CEP295: variants seen among roughly 807,000 people sequenced by gnomAD.
CEP295 encodes the protein centrosomal protein 295, also known as centrosomal protein of 295 kDa.
In CEP295, 190 loss-of-function variants were observed where a neutral mutation model predicts 291.6. That is an observed-to-expected ratio of 0.65 (90% confidence interval 0.58 to 0.73). The LOEUF is 0.73. Ranked by LOEUF, CEP295 falls within the 30% of genes least tolerant of loss-of-function variation. The pLI, the probability that CEP295 is intolerant of heterozygous loss-of-function variation, is 0.00. For missense variants in CEP295, 2,863 were observed against 2,949.4 expected (o/e 0.97, Z 0.68); for synonymous variants, 993 against 1,038.8 (o/e 0.96, Z 0.85).
chr11:93,697,602 C>T lies in CEP295; in HGVS notation c.2690C>T (p.Ser897Phe), dbSNP rs1201429643. ...VFLPLVTPDS[S>F]ALLPSAKADL... ...CTTCCCTTGGTAACTCCAGATTCAT[C>T]TGCTTTATTGCCTTCTGCCAAAGCA... The change falls in exon 15 of 30, where the codon TCT (serine) becomes TTT (phenylalanine). Residue 897 changes from serine (S) to phenylalanine (F), a missense_variant. Physicochemically the swap from Ser to Phe is radical, Grantham distance 155. Around this residue, in one of 3 missense-constraint regions of CEP295, gnomAD observed 2,295 missense variants for 2,335.7 expected, o/e 0.98. Coordinates refer to ENST00000325212, the MANE Select transcript of CEP295 (RefSeq NM_033395.2). The T allele has an allele frequency of 6.4e-7, 1 of 1,551,848 alleles. No homozygotes were observed. The highest frequency in any genetic ancestry group is 2.0e-5 in the Admixed American group (1 of 51,006).
intron 11 of CEP295, 40 bp downstream of exon 11, chr11:93,691,815 C>G: frequency 1.5e-6 from 2 of 1,355,460 alleles, no homozygotes; most frequent in Non-Finnish European, 2.0e-6. Flanking sequence ...AATTTGACTC[C>G]TTGCATCTTT....
intron 12 of CEP295, among the ~76,000 whole-genome samples, chr11:93,692,944 G>T (rs1951643812): frequency 1.4e-5 from 2 of 143,368 alleles, no homozygotes; most frequent in African/African-American, 5.3e-5. Context: ...CTGCACTCCA[G>T]CCTGGATGAC....
Position 93,728,757 on chromosome 11 carries a change from A to AAAT in CEP295, c.7239_7241dup (p.Glu2413_Met2414insIle). The AAAT allele has an allele frequency of 6.4e-7, 1 of 1,550,960 alleles. No homozygotes were observed. The highest frequency in any genetic ancestry group is 8.7e-7 in the Non-Finnish European group (1 of 1,146,784). On this transcript the variant is annotated inframe_insertion, in exon 25 of 30. Transcript: ENST00000325212. The stretch of plus-strand genomic sequence containing the variant: ...AGCACCACTGATACCAGTATTGCTG[A>AAAT]AATGGATTTTGCAAATTTAACCCTA...
intron 8 of CEP295, 65 bp from the exon 9 acceptor site, chr11:93,683,899 T>G: frequency 6.6e-7 from 1 of 1,505,960 alleles, no homozygotes; most frequent in Non-Finnish European, 8.9e-7. Context: ...GCCTTTGCAT[T>G]TTTGTGATCC....
chr11:93,730,047 A>T lies in CEP295; in HGVS notation c.7668-2A>T. 3 of 1,536,304 alleles carry T rather than the reference A, an allele frequency of 2.0e-6. No homozygotes were observed. The Middle Eastern group carries it at 5.1e-4, about 261-fold the overall frequency. On this transcript the variant is annotated splice_acceptor_variant, in intron 28 of 29. Coordinates refer to ENST00000325212, the MANE Select transcript of CEP295 (RefSeq NM_033395.2). LOFTEE classifies it high-confidence loss of function. Reference sequence around the variant, plus strand: ...CTCTAATTCTATATAAATTCTTTACAGGTTATACAATCAACTAGCTGAAGT... The same window carrying T: ...CTCTAATTCTATATAAATTCTTTACTGGTTATACAATCAACTAGCTGAAGT...
Position 93,679,450 on chromosome 11 carries a change from A to T in CEP295, c.663A>T (p.Arg221=). The T allele has an allele frequency of 6.4e-7, 1 of 1,551,596 alleles. No homozygotes were observed. The highest frequency in any genetic ancestry group is 8.7e-7 in the Non-Finnish European group (1 of 1,146,864). The stretch of plus-strand genomic sequence containing the variant: ...TGGCTGCTGAAGAGGAAGCTAAACG[A>T]TTGGAAGAACTACAAAAACAGGCAG... ...ARLAAEEEAK[R]LEELQKQAAQ... The change falls in exon 7 of 30, where the codon CGA becomes CGT. Residue 221 remains arginine, a synonymous_variant. Transcript: ENST00000325212.
intron 18 of CEP295, among the ~76,000 whole-genome samples, chr11:93,713,852 T>C (rs1001682547): frequency 6.6e-6 from 1 of 152,200 alleles, no homozygotes; most frequent in Non-Finnish European, 1.5e-5. Flanking sequence ...TTCTTTTTAA[T>C]TCTCTTATCT....
At chr11:93,692,081 A>C in intron 12 of CEP295, 51 bp downstream of exon 12, 1 of 1,028,804 alleles carries the variant, frequency 9.7e-7, no homozygotes. Context: ...AGGTACTATT[A>C]TATAATTTTG....
In CEP295 at chr11:93,721,423, T is replaced by A; in HGVS notation, c.5850+11T>A. ...AAGCCAGATGATAAGGTTAGTAATGTCTTAATGTTCACTCGATTTTTAGAG... is the reference window on the plus strand; with the variant it reads ...AAGCCAGATGATAAGGTTAGTAATGACTTAATGTTCACTCGATTTTTAGAG... On this transcript the variant is annotated intron_variant, in intron 19 of 29. Coordinates refer to ENST00000325212, the MANE Select transcript of CEP295 (RefSeq NM_033395.2). The A allele has an allele frequency of 6.7e-7, 1 of 1,497,978 alleles. No homozygotes were observed. Among genetic ancestry groups the A allele is most frequent in the Non-Finnish European group, 9.3e-7 (1 of 1,074,482 alleles). The allele number at this position is 1,497,978 out of a possible 1,614,324, so 92.8% of individuals were successfully genotyped here.
intron 5 of CEP295, among the ~76,000 whole-genome samples, chr11:93,670,435 T>G (rs1289362709): frequency 6.6e-6 from 1 of 152,224 alleles, no homozygotes; most frequent in Non-Finnish European, 1.5e-5. Context: ...TTTAAAATAC[T>G]TGTTCTCCAC....
intron 13 of CEP295, among the ~76,000 whole-genome samples, chr11:93,695,905 A>G (rs568187864): frequency 2.0e-5 from 3 of 152,156 alleles, no homozygotes; most frequent in Admixed American, 2.0e-4. Flanking sequence ...CAGCTACTCC[A>G]GAGGTTGAGG....
chr11:93,697,435 A>C lies in CEP295; in HGVS notation c.2523A>C (p.Thr841=). The change falls in exon 15 of 30, where the codon ACA becomes ACC. Residue 841 remains threonine, a synonymous_variant. Transcript: ENST00000325212. ...DRPLLPSENI[T]AQQGNMKALQ... ...CTTTGCTGCCGTCAGAGAATATCAC[A>C]GCCCAGCAAGGTAATATGAAGGCCC... 6.4e-7 allele frequency: 1 copy of C among 1,552,236 alleles called. No individual in the cohort carries two copies. Among genetic ancestry groups the C allele is most frequent in the Non-Finnish European group, 8.7e-7 (1 of 1,147,106 alleles).
At chr11:93,724,184 T>C in intron 21 of CEP295, 70 bp from the exon 22 acceptor site, 1 of 1,367,728 alleles carries the variant, frequency 7.3e-7, no homozygotes, top group Non-Finnish European at 1.0e-6. Context: ...CCTTTTCTAG[T>C]GTTTACCTTA....
chr11:93,729,318 C>T (rs550203347), intron 25 of CEP295, 116 bp from the exon 26 acceptor site: 2 of 720,310 alleles, frequency 2.8e-6, no homozygotes, highest in South Asian at 3.4e-5. Flanking sequence ...GTAGACCCAG[C>T]TAAGATTGAG....
In CEP295 at chr11:93,679,422, G is replaced by C; in HGVS notation, c.635G>C (p.Arg212Pro). Reference protein sequence around the residue: ...RETDTKRPDARLAAEEEAKRL... With the variant: ...RETDTKRPDAPLAAEEEAKRL... ...TTGATTGACTGCTAGCCAGATGCTC[G>C]TTTGGCTGCTGAAGAGGAAGCTAAA... The change falls in exon 7 of 30, where the codon CGT becomes CCT. Residue 212 changes from arginine (R) to proline (P), a missense_variant. Physicochemically the swap from Arg to Pro is moderately radical, Grantham distance 103. Coordinates refer to ENST00000325212, the MANE Select transcript of CEP295 (RefSeq NM_033395.2). The C allele has an allele frequency of 6.5e-7, 1 of 1,548,882 alleles. No individual in the cohort carries two copies. Among genetic ancestry groups the C allele is most frequent in the East Asian group, 2.5e-5 (1 of 40,816 alleles).
Position 93,695,493 on chromosome 11 carries a change from C to A in CEP295, c.1534-4C>A. The A allele has an allele frequency of 7.0e-7, 1 of 1,435,440 alleles. No homozygotes were observed. Among genetic ancestry groups the A allele is most frequent in the Non-Finnish European group, 9.1e-7 (1 of 1,099,754 alleles). The allele number at this position is 1,435,440 out of a possible 1,614,324, so 88.9% of individuals were successfully genotyped here. A position where few individuals can be genotyped will look rare whatever the true frequency, so the allele number is the denominator to read the frequency against. Reference sequence around the variant, plus strand: ...TAATAGATCAATAGTATTTTGTTACCTAGATAATGGAAATAGAAGAGCAGA... The same window carrying A: ...TAATAGATCAATAGTATTTTGTTACATAGATAATGGAAATAGAAGAGCAGA... On this transcript the variant is annotated splice_region_variant and splice_polypyrimidine_tract_variant and intron_variant, in intron 12 of 29. Transcript: ENST00000325212.
chr11:93,692,182 G>A lies in CEP295; in HGVS notation c.1533+152G>A, dbSNP rs78876349. Among the ~76,000 whole-genome samples the A allele has an allele frequency of 5.9e-5, 9 of 152,074 alleles. No homozygotes were observed. The East Asian group carries it at 1.5e-3, about 26-fold the overall frequency. ...CACAAACATTCAGCTGATAAAATGCGTGTTGTCTTTGCCCATACTGCTCAT... is the reference window on the plus strand; with the variant it reads ...CACAAACATTCAGCTGATAAAATGCATGTTGTCTTTGCCCATACTGCTCAT... On this transcript the variant is annotated intron_variant, in intron 12 of 29. Coordinates refer to ENST00000325212, the MANE Select transcript of CEP295 (RefSeq NM_033395.2).
At chr11:93,682,570 T>C (rs1042579472) in intron 7 of CEP295, among the ~76,000 whole-genome samples, 3 of 149,542 alleles carry the variant, frequency 2.0e-5, no homozygotes, top group Admixed American at 6.8e-5. Context: ...ATAGTAGACT[T>C]AATGTTCCTT....
chr11:93,682,157 C>CA (rs1951007117), intron 7 of CEP295, among the ~76,000 whole-genome samples: 1 of 152,084 alleles, frequency 6.6e-6, no homozygotes, highest in Non-Finnish European at 1.5e-5. Context: ...CCTCAAAAGA[C>CA]AAAATAGTTA....
Sources: allele counts gnomAD v4.1 joint callset (sites outside exome capture counted in the v4.1 genomes callset), GRCh38; gene constraint gnomAD v4.1.1; regional missense constraint gnomAD v4.1.1; transcripts MANE v1.5; gene names NCBI Gene and HGNC (gene_info 2026-07-23, HGNC 2026-07-21).